MYO5A: variants seen among roughly 807,000 people sequenced by gnomAD.
MYO5A encodes myosin VA, also known as unconventional myosin-Va.
MYO5A carries 98 observed loss-of-function variants against 249.7 expected under a neutral mutation model. That is an observed-to-expected ratio of 0.39 (90% confidence interval 0.33 to 0.46). The LOEUF (loss-of-function observed/expected upper bound fraction) is 0.46. MYO5A is among the 20% of genes least tolerant of loss of function. MYO5A has a pLI of 0.98. For missense variants in MYO5A, 1,696 were observed against 2,308.8 expected, an observed-to-expected ratio of 0.73 and a Z score of 5.44; for synonymous variants, 778 against 810.6, an observed-to-expected ratio of 0.96 and a Z score of 0.68.
chr15:52,346,332 C>A (rs1226605866), intron 30 of MYO5A, 29 bp downstream of exon 30: 2 of 1,395,496 alleles, frequency 1.4e-6, no homozygotes, highest in East Asian at 2.3e-5. Flanking sequence ...ATAATTAAAC[C>A]AAAATGAATA....
In MYO5A at chr15:52,433,589, T is replaced by G. The variant is rs149621192; in HGVS notation, c.28-304A>C. Among the ~76,000 whole-genome samples, 392 of 151,874 alleles carry G rather than the reference T, an allele frequency of 2.6e-3. 5 individuals are homozygous for G. The highest frequency in any genetic ancestry group is 0.018 in the East Asian group (92 of 5,156). On this transcript the variant is annotated intron_variant, in intron 1 of 41. Transcript: ENST00000399233. ...GCGCCTGCCACCACACTCAGCTAAT[T>G]TTTTTGTTTTTAATAAAGATGGAGT...
At chr15:52,346,801 T>C (rs954769127) in intron 29 of MYO5A, among the ~76,000 whole-genome samples, 1 of 151,072 alleles carries the variant, frequency 6.6e-6, no homozygotes, top group African/African-American at 2.4e-5. Context: ...ATAAAGTATA[T>C]AATATAGTAT....
At chr15:52,472,373 C>T (rs1484087215) in intron 1 of MYO5A, among the ~76,000 whole-genome samples, 3 of 152,170 alleles carry the variant, frequency 2.0e-5, no homozygotes, top group African/African-American at 7.2e-5. Flanking sequence ...GCCATCGCGA[C>T]TGGCCCTATC....
chr15:52,383,120 G>T lies in MYO5A; in HGVS notation c.1983C>A (p.Ile661=). Residue 661 remains isoleucine, a synonymous_variant, in exon 16 of 42, where the codon ATC becomes ATA. Transcript: ENST00000399233. ...ATGGGAACTTGAAGTCATTAGGCTT[G>T]ATACAGCGCACATAGTGAGGGGTAG... ...NATTPHYVRC[I]KPNDFKFPFT... 6.2e-7 allele frequency: 1 copy of T among 1,613,876 alleles called. No homozygotes were observed. The highest frequency in any genetic ancestry group is 1.1e-5 in the South Asian group (1 of 91,076).
chr15:52,475,512 C>A (rs1214167281), intron 1 of MYO5A, among the ~76,000 whole-genome samples: 4 of 152,168 alleles, frequency 2.6e-5, no homozygotes, highest in Admixed American at 6.5e-5. Flanking sequence ...CCTGGTTTCT[C>A]TTGTGGGCAT....
At chr15:52,423,588 T>C (rs2075332358) in intron 4 of MYO5A, among the ~76,000 whole-genome samples, 3 of 150,666 alleles carry the variant, frequency 2.0e-5, no homozygotes, top group Admixed American at 6.6e-5. Flanking sequence ...CAAGAAATGA[T>C]CCTGCAGCAG....
chr15:52,488,749 G>A (rs932419351), intron 1 of MYO5A, among the ~76,000 whole-genome samples: 1 of 149,728 alleles, frequency 6.7e-6, no homozygotes, highest in African/African-American at 2.4e-5. Context: ...CTGCGGGCTT[G>A]GGGGGATTTG....
intron 18 of MYO5A, among the ~76,000 whole-genome samples, chr15:52,378,190 A>G (rs1203241821): frequency 1.3e-5 from 2 of 149,970 alleles, no homozygotes; most frequent in Non-Finnish European, 3.0e-5. Flanking sequence ...GCCTGTTCCT[A>G]CTTTCTGCTC....
intron 25 of MYO5A, among the ~76,000 whole-genome samples, chr15:52,354,811 G>A (rs1050829827): frequency 2.0e-5 from 3 of 149,500 alleles, no homozygotes; most frequent in African/African-American, 4.9e-5. Flanking sequence ...CTGAGATTGC[G>A]CCACTGCACT....
chr15:52,501,896 C>CACACACACACACACAGAT, intron 1 of MYO5A, among the ~76,000 whole-genome samples: 1 of 151,768 alleles, frequency 6.6e-6, no homozygotes, highest in South Asian at 2.1e-4. Context: ...CACACACACA[C>CACACACACACACACAGAT]ACACACACAC....
At chr15:52,512,918 G>GAC (rs2077421688) in intron 1 of MYO5A, among the ~76,000 whole-genome samples, 1 of 148,098 alleles carries the variant, frequency 6.8e-6, no homozygotes, top group South Asian at 2.2e-4. Flanking sequence ...ATGAGGTCAG[G>GAC]AGACGGAGAC....
At chr15:52,397,611 T>TC in intron 9 of MYO5A, 145 bp from the exon 10 acceptor site, 4 of 973,256 alleles carry the variant, frequency 4.1e-6, no homozygotes, top group Non-Finnish European at 6.3e-6. Flanking sequence ...TGATTAGTGA[T>TC]AATAATCACA....
intron 1 of MYO5A, among the ~76,000 whole-genome samples, chr15:52,438,786 A>ACTTTGTATGCAAG: frequency 6.6e-6 from 1 of 152,154 alleles, no homozygotes; most frequent in East Asian, 1.9e-4. Flanking sequence ...CTCTGTCTTC[A>ACTTTGTATGCAAG]CTCTATTAAA....
At chr15:52,499,349 C>T (rs1452724205) in intron 1 of MYO5A, among the ~76,000 whole-genome samples, 2 of 152,064 alleles carry the variant, frequency 1.3e-5, no homozygotes, top group African/African-American at 4.8e-5. Flanking sequence ...CACATATTTA[C>T]AACCTTTATC....
At position 52,428,538 on chromosome 15, in the gene MYO5A, T is replaced by C; in HGVS notation, c.170A>G (p.Lys57Arg). The C allele has an allele frequency of 3.7e-6, 6 of 1,614,212 alleles. No homozygotes were observed. The highest frequency in any genetic ancestry group is 1.3e-5 in the African/African-American group (1 of 75,072). The change falls in exon 3 of 42, where the codon AAG becomes AGG. Residue 57 changes from lysine to arginine, a missense_variant. Lys to Arg is a conservative substitution (Grantham distance 26). Transcript: ENST00000399233. ...AGGATTTCGTAAGTGAGGCAGCTCC[T>C]TGGTCTTTGGATCTAGATGGTATTC... ...DLEYHLDPKT[K>R]ELPHLRNPDI...
At chr15:52,441,733 T>C (rs1252694522) in intron 1 of MYO5A, among the ~76,000 whole-genome samples, 1 of 152,216 alleles carries the variant, frequency 6.6e-6, no homozygotes, top group Non-Finnish European at 1.5e-5. Context: ...AACATCTCTA[T>C]TACCTTATAC....
At chr15:52,451,576 C>T (rs956597237) in intron 1 of MYO5A, among the ~76,000 whole-genome samples, 14 of 152,172 alleles carry the variant, frequency 9.2e-5, no homozygotes, top group African/African-American at 3.1e-4. Context: ...AGAACCAACC[C>T]CATCTCATGA....
chr15:52,509,668 C>A (rs572591049), intron 1 of MYO5A, among the ~76,000 whole-genome samples: 1 of 152,208 alleles, frequency 6.6e-6, no homozygotes, highest in African/African-American at 2.4e-5. Flanking sequence ...AAAATAGGGG[C>A]CATTTTTAGA....
chr15:52,450,855 T>TTGTTTTCTG (rs60823450), intron 1 of MYO5A, among the ~76,000 whole-genome samples: 2 of 144,372 alleles, frequency 1.4e-5, no homozygotes, highest in African/African-American at 5.2e-5. Context: ...TTTTTTTTTT[T>TTGTTTTCTG]TTTTTTTTTT....
Sources: allele counts gnomAD v4.1 joint callset (sites outside exome capture counted in the v4.1 genomes callset), GRCh38; gene constraint gnomAD v4.1.1; transcripts MANE v1.5; gene names NCBI Gene and HGNC (gene_info 2026-07-23, HGNC 2026-07-21).